AUTS2: variants seen among roughly 807,000 people sequenced by gnomAD.
AUTS2 encodes the protein activator of transcription and developmental regulator AUTS2, also known as autism susceptibility gene 2 protein.
In AUTS2, 17 loss-of-function variants were observed where a neutral mutation model predicts 112.4. The observed-to-expected ratio is 0.15, with a 90% confidence interval of 0.10 to 0.23. AUTS2 has a LOEUF of 0.23. Among genes scored for constraint, AUTS2 ranks in the 10% least tolerant of loss-of-function variants. The probability of loss-of-function intolerance (pLI) is 1.00; values close to 1 mark genes in which losing one functional copy is unlikely to be tolerated. For synonymous variants in AUTS2, 751 were observed against 702.7 expected, an observed-to-expected ratio of 1.07 and a Z score of -1.09; for missense variants, 1,510 against 1,701.6, an observed-to-expected ratio of 0.89 and a Z score of 1.98.
chr7:70,336,098 T>A (rs1790977667), intron 4 of AUTS2, among the ~76,000 whole-genome samples: 1 of 152,250 alleles, frequency 6.6e-6, no homozygotes, highest in African/African-American at 2.4e-5. Context: ...AAAAGATGAT[T>A]CACAATCTTT....
At chr7:70,176,182 AT>A (rs1808976742) in intron 4 of AUTS2, among the ~76,000 whole-genome samples, 2 of 152,294 alleles carry the variant, frequency 1.3e-5, no homozygotes, top group African/African-American at 4.8e-5. Flanking sequence ...CTAGAATAGG[AT>A]TGTTTGTTAT....
intron 4 of AUTS2, among the ~76,000 whole-genome samples, chr7:70,215,490 T>C (rs11766424): frequency 0.08 from 12,204 of 152,196 alleles, 629 homozygotes; most frequent in African/African-American, 0.13. Flanking sequence ...CTCAATCAGA[T>C]TTGTTTGTAT....
intron 4 of AUTS2, among the ~76,000 whole-genome samples, chr7:70,409,990 G>A (rs1220282960): frequency 6.6e-6 from 1 of 152,204 alleles, no homozygotes; most frequent in Non-Finnish European, 1.5e-5. Context: ...GCATTTAGAA[G>A]CTAGATCCAC....
At chr7:69,942,112 C>G (rs1362405900) in intron 2 of AUTS2, among the ~76,000 whole-genome samples, 1 of 152,124 alleles carries the variant, frequency 6.6e-6, no homozygotes, top group Admixed American at 6.5e-5. Flanking sequence ...GCCCTTGTAT[C>G]TCTGTTACTT....
intron 5 of AUTS2, among the ~76,000 whole-genome samples, chr7:70,691,731 C>G (rs1363369727): frequency 6.6e-6 from 1 of 152,162 alleles, no homozygotes; most frequent in East Asian, 1.9e-4. Context: ...GGGAGCAGCA[C>G]TGGAGGTGGC....
chr7:70,445,045 C>T (rs1337808859), intron 5 of AUTS2, among the ~76,000 whole-genome samples: 2 of 152,130 alleles, frequency 1.3e-5, no homozygotes, highest in African/African-American at 4.8e-5. Flanking sequence ...GAGAACATTG[C>T]ATTATTCAAA....
chr7:70,495,760 C>G (rs1272600819), intron 5 of AUTS2, among the ~76,000 whole-genome samples: 2 of 129,554 alleles, frequency 1.5e-5, no homozygotes, highest in Admixed American at 7.4e-5. Flanking sequence ...ACCCCACTCA[C>G]ACACACCACG....
chr7:70,694,203 G>T lies in AUTS2; in HGVS notation c.691-4366G>T, dbSNP rs957466889. ...ATGGAGTTCACTTGAGCTGTGAACC[G>T]GCGGGAGAGGCAGGCGCCCGCAAGC... On this transcript the variant is annotated intron_variant, in intron 5 of 18. Transcript: ENST00000342771. This position sits in a 1 kb window ranked among gnomAD's most constrained non-coding sequence, Gnocchi z 4.1. 6.7e-6 allele frequency: 1 copy of T among 149,464 alleles called. No individual in the cohort carries two copies. Among genetic ancestry groups the T allele is most frequent in the African/African-American group, 2.4e-5 (1 of 40,836 alleles). 9.3% of individuals were successfully genotyped at this position (149,464 alleles called of 1,614,324 possible).
At chr7:69,614,418 A>G (rs560708169) in intron 1 of AUTS2, among the ~76,000 whole-genome samples, 1 of 127,308 alleles carries the variant, frequency 7.9e-6, no homozygotes, top group Non-Finnish European at 1.7e-5. Context: ...TGCAGCAGTA[A>G]TCATAGCTCA....
chr7:70,474,647 G>A (rs909308341), intron 5 of AUTS2, among the ~76,000 whole-genome samples: 1 of 152,184 alleles, frequency 6.6e-6, no homozygotes, highest in Non-Finnish European at 1.5e-5. Context: ...TAGGGGAAGC[G>A]CAGTTCAGGG....
At chr7:70,413,790 A>C (rs747367927) in intron 4 of AUTS2, among the ~76,000 whole-genome samples, 1 of 151,632 alleles carries the variant, frequency 6.6e-6, no homozygotes, top group South Asian at 2.1e-4. Context: ...CAATCCTCCT[A>C]CTCAGCCTCA....
intron 4 of AUTS2, among the ~76,000 whole-genome samples, chr7:70,254,024 T>G (rs966476415): frequency 2.6e-5 from 4 of 152,182 alleles, no homozygotes; most frequent in African/African-American, 4.8e-5. Context: ...AAACTAAATT[T>G]TTTTTCTTCT....
chr7:69,829,940 T>C (rs1396929539), intron 1 of AUTS2, among the ~76,000 whole-genome samples: 1 of 152,168 alleles, frequency 6.6e-6, no homozygotes, highest in Non-Finnish European at 1.5e-5. Flanking sequence ...TGCACACATA[T>C]GTTTATTGCA....
chr7:70,759,805 T>C (rs1217612702), intron 6 of AUTS2, among the ~76,000 whole-genome samples: 1 of 152,162 alleles, frequency 6.6e-6, no homozygotes, highest in Non-Finnish European at 1.5e-5. Flanking sequence ...AGAGTCAAGC[T>C]AGATATCTGT....
intron 4 of AUTS2, among the ~76,000 whole-genome samples, chr7:70,149,690 A>G (rs531135032): frequency 2.6e-5 from 4 of 152,192 alleles, no homozygotes; most frequent in South Asian, 2.1e-4. Flanking sequence ...ATTTTAAATT[A>G]TGATTAGTGC....
intron 5 of AUTS2, among the ~76,000 whole-genome samples, chr7:70,673,146 C>A (rs1388295015): frequency 2.0e-5 from 3 of 152,148 alleles, no homozygotes; most frequent in Non-Finnish European, 4.4e-5. Context: ...ACCAGCAACC[C>A]AACGCGAGTG....
intron 5 of AUTS2, among the ~76,000 whole-genome samples, chr7:70,487,912 G>C (rs190679925): frequency 5.3e-5 from 8 of 152,204 alleles, no homozygotes; most frequent in African/African-American, 1.9e-4. Flanking sequence ...AAAATAGGGG[G>C]ATGAGTAGAT....
chr7:70,430,586 T>C (rs1795616291), intron 4 of AUTS2, among the ~76,000 whole-genome samples: 1 of 151,996 alleles, frequency 6.6e-6, no homozygotes, highest in South Asian at 2.1e-4. Flanking sequence ...ATCTTTAAGG[T>C]CTCCCTTGAA....
intron 4 of AUTS2, among the ~76,000 whole-genome samples, chr7:70,172,650 T>A (rs1305093491): frequency 1.3e-5 from 2 of 152,242 alleles, no homozygotes; most frequent in African/African-American, 4.8e-5. Context: ...TCTTTCCCTA[T>A]GCACTTTTGC....
Sources: allele counts gnomAD v4.1 joint callset (sites outside exome capture counted in the v4.1 genomes callset), GRCh38; gene constraint gnomAD v4.1.1; non-coding constraint Gnocchi (gnomAD v3.1); transcripts MANE v1.5; gene names NCBI Gene and HGNC (gene_info 2026-07-23, HGNC 2026-07-21).